The following HECTD4 variants were observed in gnomAD, a reference collection of about 807,000 sequenced individuals.
The protein encoded by HECTD4 is HECT domain E3 ubiquitin protein ligase 4.
In HECTD4, 114 loss-of-function variants were observed where a neutral mutation model predicts 471.5. The ratio of observed to expected loss-of-function variants is 0.24; its 90% CI spans 0.21 to 0.28. The LOEUF is 0.28. Among genes scored for constraint, HECTD4 ranks in the 10% least tolerant of loss-of-function variants. The probability of loss-of-function intolerance (pLI) is 1.00; values close to 1 mark genes in which losing one functional copy is unlikely to be tolerated. For missense variants in HECTD4, 3,866 were observed against 5,651.5 expected (o/e 0.68, Z 10.13); for synonymous variants, 2,012 against 2,256.0 (o/e 0.89, Z 3.07).
rs1401796709 is a variant in HECTD4, at chr12:112,247,044, A to G, written c.4370T>C (p.Ile1457Thr). 2 of 1,609,662 alleles carry G rather than the reference A, an allele frequency of 1.2e-6. No individual in the cohort carries two copies. The highest frequency in any genetic ancestry group is 2.2e-5 in the South Asian group (2 of 90,534). ...EKFLQEVNSL[I>T]QKPSHPLAKT... is the part of the protein sequence containing the mutation. ...AGCCAGTGGGTGTGAGGGTTTCTGA[A>G]TAAGAGAATTCACTTCTTGTAGGAA... The change falls in exon 29 of 76, where the codon ATT becomes ACT. Residue 1457 changes from isoleucine to threonine, a missense_variant. Coordinates refer to ENST00000682272, the MANE Select transcript of HECTD4 (RefSeq NM_001388303.1).
At chr12:112,297,536 G>A (rs187627519) in intron 7 of HECTD4, among the ~76,000 whole-genome samples, 1 of 152,092 alleles carries the variant, frequency 6.6e-6, no homozygotes, top group East Asian at 1.9e-4. Flanking sequence ...GACTAGATAT[G>A]GAATTTGGCA....
intron 7 of HECTD4, among the ~76,000 whole-genome samples, chr12:112,288,252 G>T (rs890411376): frequency 1.3e-5 from 2 of 150,600 alleles, no homozygotes; most frequent in African/African-American, 4.9e-5. Context: ...CCAGGAGGCA[G>T]AGGTTGCAGT....
intron 1 of HECTD4, among the ~76,000 whole-genome samples, chr12:112,354,563 G>A (rs1479695349): frequency 2.0e-5 from 3 of 152,122 alleles, no homozygotes; most frequent in Non-Finnish European, 4.4e-5. Flanking sequence ...GTACACACCT[G>A]TAGTCCCAGC....
intron 1 of HECTD4, among the ~76,000 whole-genome samples, chr12:112,339,419 A>G (rs913331457): frequency 1.3e-5 from 2 of 152,004 alleles, no homozygotes; most frequent in African/African-American, 4.8e-5. Context: ...GGCTATATGC[A>G]TAATATGATA....
intron 41 of HECTD4, among the ~76,000 whole-genome samples, chr12:112,229,437 C>A (rs1312011458): frequency 6.6e-6 from 1 of 152,126 alleles, no homozygotes; most frequent in Admixed American, 6.5e-5. Flanking sequence ...ATTCCATCAT[C>A]AATTCTAAGA....
At chr12:112,304,951 C>A (rs2035244185) in intron 7 of HECTD4, among the ~76,000 whole-genome samples, 1 of 152,138 alleles carries the variant, frequency 6.6e-6, no homozygotes, top group Non-Finnish European at 1.5e-5. Context: ...TGTTTTTTTA[C>A]AGGAATGCTA....
intron 18 of HECTD4, among the ~76,000 whole-genome samples, chr12:112,260,800 T>C (rs2034129912): frequency 6.6e-6 from 1 of 151,358 alleles, no homozygotes. Context: ...GAAATTTTAA[T>C]GTGAAAGGCT....
chr12:112,206,698 G>A (rs958041468), intron 52 of HECTD4, among the ~76,000 whole-genome samples: 1 of 151,984 alleles, frequency 6.6e-6, no homozygotes, highest in African/African-American at 2.4e-5. Context: ...CACCATGCCT[G>A]GCTAATTTTT....
At chr12:112,318,273 GAGAAA>G (rs906414847) in intron 2 of HECTD4, among the ~76,000 whole-genome samples, 3 of 150,690 alleles carry the variant, frequency 2.0e-5, no homozygotes, top group Non-Finnish European at 4.4e-5. Context: ...TCAAAAAAAA[GAGAAA>G]AGAAAAGAGA....
chr12:112,199,373 C>T (rs2032344141), intron 55 of HECTD4, among the ~76,000 whole-genome samples: 1 of 152,164 alleles, frequency 6.6e-6, no homozygotes, highest in Non-Finnish European at 1.5e-5. Context: ...AATGCAATCT[C>T]AAGTGGAGAT....
intron 1 of HECTD4, among the ~76,000 whole-genome samples, chr12:112,359,722 AT>A (rs879679777): frequency 5.3e-4 from 76 of 144,040 alleles, no homozygotes; most frequent in Admixed American, 7.6e-4. Flanking sequence ...CCTGGCCTAC[AT>A]TTTTTTTTTT....
At chr12:112,369,711 A>G (rs891529155) in intron 1 of HECTD4, among the ~76,000 whole-genome samples, 2 of 152,112 alleles carry the variant, frequency 1.3e-5, no homozygotes, top group Admixed American at 1.3e-4. Context: ...GTCCTATCAA[A>G]CACTAATACC....
At chr12:112,181,799 T>G (rs769657712) in intron 62 of HECTD4, among the ~76,000 whole-genome samples, 2 of 152,166 alleles carry the variant, frequency 1.3e-5, no homozygotes, top group Non-Finnish European at 2.9e-5. Flanking sequence ...CTACTCAATA[T>G]TACATGTTTT....
intron 60 of HECTD4, among the ~76,000 whole-genome samples, chr12:112,189,152 G>A (rs182360496): frequency 2.6e-5 from 4 of 152,228 alleles, no homozygotes; most frequent in Admixed American, 2.0e-4. Flanking sequence ...ACCACACTGC[G>A]CTTGGCCCTC....
At chr12:112,329,574 G>C (rs1258997416) in intron 1 of HECTD4, among the ~76,000 whole-genome samples, 1 of 152,046 alleles carries the variant, frequency 6.6e-6, no homozygotes, top group Non-Finnish European at 1.5e-5. Context: ...CGCCATGATG[G>C]CCAGGCTGGT....
chr12:112,188,811 C>G lies in HECTD4; in HGVS notation c.9472+1975G>C, dbSNP rs1190830737. Among the ~76,000 whole-genome samples the G allele has an allele frequency of 6.6e-6, 1 of 152,234 alleles. No homozygotes were observed. The highest frequency in any genetic ancestry group is 1.5e-5 in the Non-Finnish European group (1 of 68,044). On this transcript the variant is annotated intron_variant, in intron 60 of 75. Transcript: ENST00000682272. This position sits in a 1 kb window ranked among gnomAD's most constrained non-coding sequence, Gnocchi z 4.2. Reference sequence around the variant, plus strand: ...AACATGGGCTCTCATAGAACCTCCACAGAGGACAGGTGTCCTTGCTCCCCT... The same window carrying G: ...AACATGGGCTCTCATAGAACCTCCAGAGAGGACAGGTGTCCTTGCTCCCCT...
At chr12:112,255,796 C>T (rs1056365759) in intron 21 of HECTD4, among the ~76,000 whole-genome samples, 14 of 152,138 alleles carry the variant, frequency 9.2e-5, no homozygotes, top group Non-Finnish European at 1.8e-4. Context: ...TGCTTCCTTT[C>T]GTTCATAACT....
At chr12:112,365,588 A>C (rs1479989843) in intron 1 of HECTD4, among the ~76,000 whole-genome samples, 1 of 152,140 alleles carries the variant, frequency 6.6e-6, no homozygotes, top group African/African-American at 2.4e-5. Flanking sequence ...TCTGGAGGCT[A>C]TTTAAGTAAA....
Position 112,184,427 on chromosome 12 carries a change from A to G in HECTD4, c.10539T>C (p.Pro3513=), listed in dbSNP as rs1320713478. 1.2e-6 allele frequency: 2 copies of G among 1,605,890 alleles called. No individual in the cohort carries two copies. The highest frequency in any genetic ancestry group is 4.5e-5 in the East Asian group (2 of 44,754). The change falls in exon 61 of 76, where the codon CCT becomes CCC. Residue 3513 remains proline, a synonymous_variant. Transcript: ENST00000682272. This position sits in a 1 kb window ranked among gnomAD's most constrained non-coding sequence, Gnocchi z 9.1. Reference sequence around the variant, plus strand: ...GAGGGATGGGCAGCTCGAGGCCGGCAGGCAGCGGATCCACAGAGAGGTCGC... The same window carrying G: ...GAGGGATGGGCAGCTCGAGGCCGGCGGGCAGCGGATCCACAGAGAGGTCGC... The part of the protein sequence containing the change: ...TVSDLSVDPL[P]AGLELPIPPG...
Sources: gnomAD v4.1 joint callset for allele counts (sites outside exome capture counted in the v4.1 genomes callset) on GRCh38, gnomAD v4.1.1 for gene constraint, Gnocchi (gnomAD v3.1) non-coding constraint, MANE v1.5 for transcripts, NCBI Gene and HGNC (gene_info 2026-07-23, HGNC 2026-07-21) for gene names.